RALGPS1: variants seen among roughly 807,000 people sequenced by gnomAD.
RALGPS1 encodes ras-specific guanine nucleotide-releasing factor RalGPS1.
In RALGPS1, 19 loss-of-function variants were observed where a neutral mutation model predicts 78.8. The ratio of observed to expected loss-of-function variants is 0.24; its 90% CI spans 0.17 to 0.35. The LOEUF (loss-of-function observed/expected upper bound fraction) is 0.35, where lower values mean the gene tolerates loss of function less well. Ranked by LOEUF, RALGPS1 falls within the 10% of genes least tolerant of loss-of-function variation. The pLI is 1.00. For missense variants in RALGPS1, 454 were observed against 688.3 expected (o/e 0.66, Z 3.81); for synonymous variants, 228 against 256.3 (o/e 0.89, Z 1.06).
rs761581029 is a variant in RALGPS1 at position 127,218,156 on chromosome 9, G to A, written c.1645-584G>A. ...GCTGAGGACCTGTTGGCAGCTTTTG[G>A]GGGTGGCAGAAACACTCTGACCTTG... On this transcript the variant is annotated intron_variant, in intron 18 of 18. Transcript: ENST00000259351. This position sits in a 1 kb window ranked among gnomAD's most constrained non-coding sequence, Gnocchi z 4.4. Among the ~76,000 whole-genome samples, 1 of 152,144 alleles carries A rather than the reference G, an allele frequency of 6.6e-6. No individual in the cohort carries two copies. The highest frequency in any genetic ancestry group is 1.5e-5 in the Non-Finnish European group (1 of 68,018).
At chr9:126,935,265 A>G (rs1417024686) in intron 1 of RALGPS1, among the ~76,000 whole-genome samples, 1 of 152,202 alleles carries the variant, frequency 6.6e-6, no homozygotes, top group Non-Finnish European at 1.5e-5. Context: ...GTCTTGTTCA[A>G]TGCCTTACAC....
chr9:127,084,224 C>T (rs967495954), intron 8 of RALGPS1, among the ~76,000 whole-genome samples: 1 of 152,174 alleles, frequency 6.6e-6, no homozygotes, highest in Non-Finnish European at 1.5e-5. Flanking sequence ...ACCTGGCTGA[C>T]ACGCAGTCCA....
chr9:127,155,387 G>A (rs1351756300), intron 8 of RALGPS1, among the ~76,000 whole-genome samples: 1 of 152,196 alleles, frequency 6.6e-6, no homozygotes, highest in African/African-American at 2.4e-5. Context: ...CCAGTTAGCA[G>A]CCAGGAAGGA....
At chr9:127,149,770 C>T (rs1308338027) in intron 8 of RALGPS1, among the ~76,000 whole-genome samples, 1 of 152,220 alleles carries the variant, frequency 6.6e-6, no homozygotes, top group African/African-American at 2.4e-5. Context: ...AACCTTGGCT[C>T]CTCCAACTGT....
At chr9:126,961,864 A>T (rs937911826) in intron 1 of RALGPS1, among the ~76,000 whole-genome samples, 8 of 152,216 alleles carry the variant, frequency 5.3e-5, no homozygotes, top group African/African-American at 1.9e-4. Context: ...AAATGGTCGC[A>T]CAAGCTAACT....
At position 127,166,125 on chromosome 9, in the gene RALGPS1, A is replaced by T; in HGVS notation, c.667A>T (p.Ile223Phe). 6.2e-7 allele frequency: 1 copy of T among 1,613,428 alleles called. No homozygotes were observed. Among genetic ancestry groups the T allele is most frequent in the Non-Finnish European group, 8.5e-7 (1 of 1,179,904 alleles). Residue 223 changes from isoleucine to phenylalanine, a missense_variant, in exon 9 of 19, where the codon ATC (isoleucine) becomes TTC (phenylalanine). By Grantham distance (21) the Ile-to-Phe change is conservative (BLOSUM62 0). Coordinates refer to ENST00000259351, the MANE Select transcript of RALGPS1 (RefSeq NM_014636.3). ...IDSAYPASGS[I>F]MENEQRSNQM... ...TTCTGCATATCCTGCCTCAGGCAGT[A>T]TCATGGAAAATGAACAAAGATCCAA...
At chr9:126,991,198 AG>A (rs2042250258) in intron 4 of RALGPS1, among the ~76,000 whole-genome samples, 1 of 152,232 alleles carries the variant, frequency 6.6e-6, no homozygotes, top group Admixed American at 6.5e-5. Context: ...GAAACAGAGT[AG>A]AAAAGGAATT....
chr9:127,104,939 G>A (rs1318731455), intron 8 of RALGPS1, among the ~76,000 whole-genome samples: 1 of 152,214 alleles, frequency 6.6e-6, no homozygotes, highest in East Asian at 1.9e-4. Context: ...CAAGCTCTCT[G>A]AACAGACCTG....
intron 17 of RALGPS1, 70 bp from the exon 18 acceptor site, chr9:127,214,681 C>T (rs2062473635): frequency 6.5e-7 from 1 of 1,550,156 alleles, no homozygotes; most frequent in Non-Finnish European, 8.7e-7. Flanking sequence ...TTACATTTCT[C>T]TTTATGCCAG....
chr9:127,214,733 G>A lies in RALGPS1; in HGVS notation c.1553-18G>A. ...CTACGTGGCCCTCTTCTTAACTCATGGTTTCTCTACCCATCAGGCAATGTT... is the reference window on the plus strand; with the variant it reads ...CTACGTGGCCCTCTTCTTAACTCATAGTTTCTCTACCCATCAGGCAATGTT... On this transcript the variant is annotated intron_variant, in intron 17 of 18. Coordinates refer to ENST00000259351, the MANE Select transcript of RALGPS1 (RefSeq NM_014636.3). The A allele has an allele frequency of 6.3e-7, 1 of 1,596,792 alleles. No individual in the cohort carries two copies. The highest frequency in any genetic ancestry group is 8.5e-7 in the Non-Finnish European group (1 of 1,173,824).
intron 1 of RALGPS1, among the ~76,000 whole-genome samples, chr9:126,930,337 C>G (rs1157903478): frequency 6.6e-6 from 1 of 152,028 alleles, no homozygotes; most frequent in Non-Finnish European, 1.5e-5. Context: ...AGTATTATAT[C>G]TCCAAATGTT....
At chr9:127,137,150 C>T (rs1039891193) in intron 8 of RALGPS1, among the ~76,000 whole-genome samples, 2 of 152,218 alleles carry the variant, frequency 1.3e-5, no homozygotes, top group African/African-American at 2.4e-5. Context: ...AAGGGGATGG[C>T]TGTTCTTTTT....
At chr9:127,066,544 G>A (rs944224651) in intron 7 of RALGPS1, among the ~76,000 whole-genome samples, 2 of 152,176 alleles carry the variant, frequency 1.3e-5, no homozygotes, top group African/African-American at 4.8e-5. Context: ...GGGAGGCTGA[G>A]ACACGATAAT....
At chr9:127,124,484 C>G (rs1009959555) in intron 8 of RALGPS1, among the ~76,000 whole-genome samples, 2 of 152,204 alleles carry the variant, frequency 1.3e-5, no homozygotes, top group African/African-American at 4.8e-5. Flanking sequence ...GCCCCACACA[C>G]TGGGGAGCAG....
rs372776555 is a variant in RALGPS1 at position 127,138,469 on chromosome 9, C to T, written c.611-27600C>T. On this transcript the variant is annotated intron_variant, in intron 8 of 18. Coordinates refer to ENST00000259351, the MANE Select transcript of RALGPS1 (RefSeq NM_014636.3). ...GATGACAGAGGGCAAATGGGCTTCA[C>T]TAACCACAGTGACAGTGCAAGAGGC... Among the ~76,000 whole-genome samples, 20 of 152,336 alleles carry T rather than the reference C, an allele frequency of 1.3e-4. No individual in the cohort carries two copies. The South Asian group carries it at 3.1e-3, about 24-fold the overall frequency.
chr9:126,977,992 C>T (rs2040845390), intron 4 of RALGPS1: 8 of 354,394 alleles, frequency 2.3e-5, no homozygotes, highest in South Asian at 9.8e-5. Context: ...CAGGACTCCA[C>T]GCCTGAGAGT....
intron 5 of RALGPS1, among the ~76,000 whole-genome samples, chr9:127,039,568 T>C (rs2047120497): frequency 6.6e-6 from 1 of 151,928 alleles, no homozygotes; most frequent in East Asian, 1.9e-4. Flanking sequence ...TCCTTAAGGA[T>C]GTGAAGGAGC....
intron 8 of RALGPS1, among the ~76,000 whole-genome samples, chr9:127,120,064 G>C (rs867713192): frequency 5.3e-4 from 81 of 152,354 alleles, no homozygotes; most frequent in African/African-American, 1.9e-3. Context: ...TATCAGTGTT[G>C]TCTGGTGTAA....
At chr9:126,942,393 A>T (rs1369062775) in intron 1 of RALGPS1, among the ~76,000 whole-genome samples, 1 of 151,862 alleles carries the variant, frequency 6.6e-6, no homozygotes, top group East Asian at 1.9e-4. Context: ...GTTTATCCTT[A>T]TATATGATAT....
Sources: allele counts gnomAD v4.1 joint callset (sites outside exome capture counted in the v4.1 genomes callset), GRCh38; gene constraint gnomAD v4.1.1; non-coding constraint Gnocchi (gnomAD v3.1); transcripts MANE v1.5; gene names NCBI Gene and HGNC (gene_info 2026-07-23, HGNC 2026-07-21).